MRPS23: variants seen among roughly 807,000 people sequenced by gnomAD.
MRPS23 encodes the protein small ribosomal subunit protein mS23.
In MRPS23, 14 loss-of-function variants were observed where a neutral mutation model predicts 19.8. That is an observed-to-expected ratio of 0.71 (90% CI 0.47 to 1.11). The LOEUF is 1.11. Among genes scored for constraint, MRPS23 ranks in the 50% least tolerant of loss-of-function variants. MRPS23 has a pLI of 0.00. For missense variants in MRPS23, 242 were observed against 236.7 expected (o/e 1.02, Z -0.15); for synonymous variants, 113 against 89.7 (o/e 1.26, Z -1.47).
chr17:57,849,461 G>A lies in MRPS23; in HGVS notation c.45-51C>T, dbSNP rs113354926. 1.7e-3 allele frequency: 2,787 copies of A among 1,597,370 alleles called. 39 individuals carry two copies. In the African/African-American group the frequency reaches 0.028, roughly 16 times the overall value. On this transcript the variant is annotated intron_variant, in intron 1 of 4. Transcript: ENST00000313608. ...GGGTCACTTGCAGTAGCCTGCCAAA[G>A]CCCCTGAATCAGTCTAGCACAGTTT... is the stretch of plus-strand genomic sequence containing the variant.
chr17:57,835,169 A>G lies in MRPS23; in HGVS notation c.*4614T>C, dbSNP rs1477517165. On this transcript the variant is annotated 3_prime_UTR_variant, in exon 5 of 5. Transcript: ENST00000313608. The stretch of plus-strand genomic sequence containing the variant: ...TCTCCCCACTACCCTTGGAGAGCTC[A>G]TTTCTTCTCCTGGCTCCAAATCTTG... 6.6e-6 allele frequency: 1 copy of G among 152,180 alleles called. No homozygotes were observed. The highest frequency in any genetic ancestry group is 2.4e-5 in the African/African-American group (1 of 41,410). 9.4% of individuals were successfully genotyped at this position (152,180 alleles called of 1,614,324 possible). A position where few individuals can be genotyped will look rare whatever the true frequency, so the allele number is the denominator to read the frequency against.
Position 57,839,701 on chromosome 17 carries a change from C to T in MRPS23, c.*82G>A, listed in dbSNP as rs2073728394. 1 of 1,492,224 alleles carries T rather than the reference C, an allele frequency of 6.7e-7. No individual in the cohort carries two copies. Among genetic ancestry groups the T allele is most frequent in the African/African-American group, 1.4e-5 (1 of 71,638 alleles). The allele number at this position is 1,492,224 out of a possible 1,614,324, so 92.4% of individuals were successfully genotyped here. On this transcript the variant is annotated 3_prime_UTR_variant, in exon 5 of 5. Transcript: ENST00000313608. ...TACCTTAGAGATCAAGAAACATTTA[C>T]ACAGTTCAACTGTTTAAAAATAGCT...
intron 2 of MRPS23, among the ~76,000 whole-genome samples, chr17:57,846,087 T>TTG (rs1388489748): frequency 1.3e-5 from 2 of 151,206 alleles, no homozygotes. Context: ...ATCTTTGTTT[T>TTG]TTTTTTTTGT....
chr17:57,846,364 G>A (rs1161819823), intron 2 of MRPS23, among the ~76,000 whole-genome samples: 7 of 151,752 alleles, frequency 4.6e-5, no homozygotes, highest in East Asian at 1.9e-4. Context: ...CGGCCGCCCC[G>A]TCTGGGAAGT....
chr17:57,846,252 G>A (rs1207024209), intron 2 of MRPS23, among the ~76,000 whole-genome samples: 2 of 141,016 alleles, frequency 1.4e-5, no homozygotes, highest in Admixed American at 6.8e-5. Context: ...GGAGGGAGGT[G>A]GGGGGTAGCC....
intron 2 of MRPS23, among the ~76,000 whole-genome samples, chr17:57,846,586 C>T (rs2073777377): frequency 6.6e-6 from 1 of 152,142 alleles, no homozygotes; most frequent in African/African-American, 2.4e-5. Flanking sequence ...ATTCTTCTGC[C>T]TTGGGATGCT....
intron 2 of MRPS23, among the ~76,000 whole-genome samples, chr17:57,842,249 A>C (rs922725585): frequency 3.9e-5 from 6 of 152,198 alleles, no homozygotes; most frequent in Non-Finnish European, 7.3e-5. Flanking sequence ...GCTAGCCTCA[A>C]GAGATCCTCC....
chr17:57,842,887 T>TAC (rs1209375203), intron 2 of MRPS23, among the ~76,000 whole-genome samples: 6,280 of 97,042 alleles, frequency 0.065, 209 homozygotes, highest in East Asian at 0.14. Flanking sequence ...AAAATATATA[T>TAC]ATATACACAC....
intron 2 of MRPS23, among the ~76,000 whole-genome samples, chr17:57,846,202 A>C (rs12943835): frequency 6.8e-6 from 1 of 146,174 alleles, no homozygotes; most frequent in Non-Finnish European, 1.5e-5. Context: ...TCCGGGAGGG[A>C]GGTGGGGGGC....
intron 2 of MRPS23, among the ~76,000 whole-genome samples, chr17:57,845,728 C>T (rs2685492): frequency 6.6e-6 from 1 of 151,982 alleles, no homozygotes; most frequent in Non-Finnish European, 1.5e-5. Flanking sequence ...CAAACAGTCC[C>T]AGTCCTGGCC....
chr17:57,844,464 A>C, intron 2 of MRPS23, among the ~76,000 whole-genome samples: 1 of 152,064 alleles, frequency 6.6e-6, no homozygotes, highest in Non-Finnish European at 1.5e-5. Flanking sequence ...AATTTAAAGA[A>C]ATAATATTTA....
At chr17:57,841,933 T>A (rs543846812) in intron 2 of MRPS23, among the ~76,000 whole-genome samples, 1 of 152,172 alleles carries the variant, frequency 6.6e-6, no homozygotes, top group East Asian at 1.9e-4. Context: ...GGCAACAGAA[T>A]GAGACTCCGT....
chr17:57,839,646 C>G lies in MRPS23; in HGVS notation c.*137G>C. On this transcript the variant is annotated 3_prime_UTR_variant, in exon 5 of 5. Coordinates refer to ENST00000313608, the MANE Select transcript of MRPS23 (RefSeq NM_016070.4). ...CCATGATACTGAGCTTTGTGACAAC[C>G]CAGAAATAACTAAGAGAAGGCAAAC... 8.9e-7 allele frequency: 1 copy of G among 1,129,918 alleles called. No homozygotes were observed. Among genetic ancestry groups the G allele is most frequent in the Non-Finnish European group, 1.2e-6 (1 of 819,770 alleles). The allele number at this position is 1,129,918 out of a possible 1,614,324, so 70.0% of individuals were successfully genotyped here.
intron 4 of MRPS23, 150 bp from the exon 5 acceptor site, chr17:57,840,085 A>T: frequency 1.0e-6 from 1 of 992,544 alleles, no homozygotes; most frequent in Non-Finnish European, 1.5e-6. Flanking sequence ...AATAGTAAAC[A>T]TGATTTTAAA....
At chr17:57,844,746 G>GGA (rs1042074491) in intron 2 of MRPS23, among the ~76,000 whole-genome samples, 2 of 146,918 alleles carry the variant, frequency 1.4e-5, no homozygotes, top group Non-Finnish European at 3.0e-5. Flanking sequence ...CTCCAGCCTG[G>GGA]GAGAGAGAGA....
intron 2 of MRPS23, chr17:57,849,038 G>C (rs1392582900): frequency 1.6e-6 from 1 of 617,658 alleles, no homozygotes; most frequent in African/African-American, 1.8e-5. Context: ...ATGATCTTTC[G>C]GTTGCTGGGC....
At position 57,840,944 on chromosome 17, in the gene MRPS23, T is replaced by G. The variant is rs2073736403; in HGVS notation, c.402A>C (p.Arg134=). ...TACTCACAGTCCTTGCTTCGCCTAC[T>G]CGTCTTAAAATGACACCTTCTGCCA... is the stretch of plus-strand genomic sequence containing the variant. The part of the protein sequence containing the change: ...ALLAEGVILR[R]VGEARTQHGG... Residue 134 remains arginine (R), a synonymous_variant, in exon 4 of 5, where the codon CGA becomes CGC. Transcript: ENST00000313608. 6.2e-7 allele frequency: 1 copy of G among 1,614,200 alleles called. No homozygotes were observed. Among genetic ancestry groups the G allele is most frequent in the Non-Finnish European group, 8.5e-7 (1 of 1,180,024 alleles).
chr17:57,848,530 A>G (rs1378430757), intron 2 of MRPS23, among the ~76,000 whole-genome samples: 1 of 151,742 alleles, frequency 6.6e-6, no homozygotes, highest in Non-Finnish European at 1.5e-5. Context: ...ACCCACCACC[A>G]TGCCCGGCTA....
chr17:57,839,633 G>C lies in MRPS23; in HGVS notation c.*150C>G. 1 of 966,484 alleles carries C rather than the reference G, an allele frequency of 1.0e-6. No homozygotes were observed. The highest frequency in any genetic ancestry group is 1.5e-6 in the Non-Finnish European group (1 of 673,868). The allele number at this position is 966,484 out of a possible 1,614,324, so 59.9% of individuals were successfully genotyped here. A position where few individuals can be genotyped will look rare whatever the true frequency, so the allele number is the denominator to read the frequency against. On this transcript the variant is annotated 3_prime_UTR_variant, in exon 5 of 5. Coordinates refer to ENST00000313608, the MANE Select transcript of MRPS23 (RefSeq NM_016070.4). ...TGCTTCTGTCAAACCATGATACTGA[G>C]CTTTGTGACAACCCAGAAATAACTA...
Sources: gnomAD v4.1 joint callset for allele counts (sites outside exome capture counted in the v4.1 genomes callset) on GRCh38, gnomAD v4.1.1 for gene constraint, MANE v1.5 for transcripts, NCBI Gene and HGNC (gene_info 2026-07-23, HGNC 2026-07-21) for gene names.